The following NAV2 variants were observed in gnomAD, a reference collection of about 807,000 sequenced individuals.
NAV2 encodes neuron navigator 2.
NAV2 carries 54 observed loss-of-function variants against 223.2 expected under a neutral mutation model. The ratio of observed to expected loss-of-function variants is 0.24; its 90% CI spans 0.19 to 0.30. The LOEUF (loss-of-function observed/expected upper bound fraction) is 0.30. Ranked by LOEUF, NAV2 falls within the 10% of genes least tolerant of loss-of-function variation. The probability of loss-of-function intolerance (pLI) is 1.00; values close to 1 mark genes in which losing one functional copy is unlikely to be tolerated. For missense variants in NAV2, 2,806 were observed against 3,147.5 expected, an observed-to-expected ratio of 0.89 and a Z score of 2.60; for synonymous variants, 1,279 against 1,239.3, an observed-to-expected ratio of 1.03 and a Z score of -0.67.
At chr11:19,664,265 A>T (rs978374863) in intron 1 of NAV2, among the ~76,000 whole-genome samples, 1 of 152,200 alleles carries the variant, frequency 6.6e-6, no homozygotes, top group Non-Finnish European at 1.5e-5. Flanking sequence ...CCTTTGGGTG[A>T]GAGGAAAAAG....
intron 1 of NAV2, among the ~76,000 whole-genome samples, chr11:19,754,129 A>T (rs958143680): frequency 6.6e-6 from 1 of 152,178 alleles, no homozygotes; most frequent in Admixed American, 6.5e-5. Context: ...TTAGTCCAGG[A>T]TACAATGACC....
intron 1 of NAV2, among the ~76,000 whole-genome samples, chr11:19,449,371 T>C (rs1851703870): frequency 1.3e-5 from 2 of 148,860 alleles, no homozygotes; most frequent in African/African-American, 2.5e-5. Flanking sequence ...CACTCCAGCC[T>C]GAGCGACAGA....
At chr11:19,989,689 C>A (rs1357577716) in intron 11 of NAV2, among the ~76,000 whole-genome samples, 1 of 152,122 alleles carries the variant, frequency 6.6e-6, no homozygotes, top group South Asian at 2.1e-4. Flanking sequence ...AAGCACCTTG[C>A]AAATATTATC....
At chr11:19,967,449 CATA>C (rs1391187077) in intron 10 of NAV2, among the ~76,000 whole-genome samples, 1 of 151,954 alleles carries the variant, frequency 6.6e-6, no homozygotes, top group Non-Finnish European at 1.5e-5. Context: ...AAACCCAAAA[CATA>C]ATAGAAATGT....
chr11:19,792,475 CCGT>C (rs1482826780), intron 1 of NAV2, among the ~76,000 whole-genome samples: 1 of 152,210 alleles, frequency 6.6e-6, no homozygotes, highest in East Asian at 1.9e-4. Context: ...CATTGAAGAT[CCGT>C]GTCCTAACTG....
intron 11 of NAV2, among the ~76,000 whole-genome samples, chr11:20,031,843 T>C (rs2055784230): frequency 2.6e-5 from 4 of 152,198 alleles, no homozygotes; most frequent in Admixed American, 1.3e-4. Context: ...TGATCTTTAC[T>C]GGACTTCACA....
At chr11:19,574,157 A>C (rs2045505473) in intron 1 of NAV2, among the ~76,000 whole-genome samples, 1 of 152,240 alleles carries the variant, frequency 6.6e-6, no homozygotes, top group Admixed American at 6.5e-5. Flanking sequence ...AAAACTGAGC[A>C]AGTTACTGAG....
intron 1 of NAV2, among the ~76,000 whole-genome samples, chr11:19,466,696 T>A (rs1258083255): frequency 6.6e-6 from 1 of 152,226 alleles, no homozygotes; most frequent in South Asian, 2.1e-4. Context: ...GAGGAGTCTG[T>A]CAGTTGGGAC....
chr11:19,397,770 G>A (rs1187867134), intron 1 of NAV2, among the ~76,000 whole-genome samples: 1 of 152,156 alleles, frequency 6.6e-6, no homozygotes, highest in East Asian at 1.9e-4. Flanking sequence ...ACATGGCTGG[G>A]TGAGGTACGT....
At chr11:20,019,074 G>A (rs1261751883) in intron 11 of NAV2, among the ~76,000 whole-genome samples, 3 of 152,236 alleles carry the variant, frequency 2.0e-5, no homozygotes, top group Non-Finnish European at 2.9e-5. Context: ...GAAGCTATCA[G>A]TGGGCTTTAA....
chr11:19,962,935 G>A (rs971298425), intron 10 of NAV2, among the ~76,000 whole-genome samples: 43 of 152,300 alleles, frequency 2.8e-4, no homozygotes, highest in African/African-American at 1.0e-3. Flanking sequence ...CTTTGTGCTT[G>A]TAATCATCCA....
chr11:19,447,506 A>T (rs941786216), intron 1 of NAV2, among the ~76,000 whole-genome samples: 1 of 152,174 alleles, frequency 6.6e-6, no homozygotes, highest in South Asian at 2.1e-4. Context: ...GAAAGTGAGG[A>T]TAGTAATTCC....
At chr11:19,345,647 G>A in the NAV2 span, among the ~76,000 whole-genome samples, 1 of 152,206 alleles carries the variant, frequency 6.6e-6, no homozygotes, top group Non-Finnish European at 1.5e-5. This position sits in a 1 kb window ranked among gnomAD's most constrained non-coding sequence, Gnocchi z 5.2. Context: ...GTTCACAGAT[G>A]CGCTGGGAAA....
chr11:19,592,315 C>T (rs1245784163), intron 1 of NAV2, among the ~76,000 whole-genome samples: 3 of 152,242 alleles, frequency 2.0e-5, no homozygotes, highest in South Asian at 2.1e-4. Flanking sequence ...AATACCCTTT[C>T]CTGCATCACT....
At chr11:19,678,024 G>GAGAGCTAAC (rs1565159972) in intron 1 of NAV2, among the ~76,000 whole-genome samples, 11 of 152,132 alleles carry the variant, frequency 7.2e-5, no homozygotes, top group African/African-American at 2.2e-4. Flanking sequence ...CATCCCTATT[G>GAGAGCTAAC]TCAGGTTGGG....
chr11:19,390,683 T>A (rs11025113), intron 1 of NAV2, among the ~76,000 whole-genome samples: 7,951 of 151,962 alleles, frequency 0.052, 245 homozygotes, highest in South Asian at 0.13. Flanking sequence ...GAAAGTATAG[T>A]AGGGTAAGTG....
chr11:20,113,247 G>C (rs935152274), intron 36 of NAV2, among the ~76,000 whole-genome samples: 4 of 152,186 alleles, frequency 2.6e-5, no homozygotes, highest in African/African-American at 9.7e-5. Context: ...TTGCACGGTG[G>C]TTAAGCAAGG....
intron 1 of NAV2, among the ~76,000 whole-genome samples, chr11:19,429,415 G>A (rs994319376): frequency 2.6e-5 from 4 of 152,170 alleles, no homozygotes; most frequent in African/African-American, 9.7e-5. Context: ...GACTGGCCTG[G>A]GGGTCAGGAG....
chr11:19,548,760 C>T (rs1027919836), intron 1 of NAV2, among the ~76,000 whole-genome samples: 1 of 151,294 alleles, frequency 6.6e-6, no homozygotes, highest in Non-Finnish European at 1.5e-5. Context: ...TGCCTGTAGT[C>T]CCAGCTACTC....
Sources: allele counts gnomAD v4.1 joint callset (sites outside exome capture counted in the v4.1 genomes callset), GRCh38; gene constraint gnomAD v4.1.1; non-coding constraint Gnocchi (gnomAD v3.1); transcripts MANE v1.5; gene names NCBI Gene and HGNC (gene_info 2026-07-23, HGNC 2026-07-21).